CHD7: variants seen among roughly 807,000 people sequenced by gnomAD.
The protein encoded by CHD7 is ATP-dependent chromatin remodeler CHD7.
A neutral mutation model predicts 307.3 loss-of-function variants in CHD7; 24 were observed. That is an observed-to-expected ratio of 0.08 (90% CI 0.06 to 0.11). The LOEUF (loss-of-function observed/expected upper bound fraction) is 0.11, where lower values mean the gene tolerates loss of function less well. Among genes scored for constraint, CHD7 ranks in the 10% least tolerant of loss-of-function variants. CHD7 has a pLI of 1.00. For missense variants in CHD7, 3,106 were observed against 3,727.1 expected (o/e 0.83, Z 4.34); for synonymous variants, 1,363 against 1,349.9 (o/e 1.01, Z -0.21).
intron 7 of CHD7, among the ~76,000 whole-genome samples, chr8:60,810,057 T>C (rs1171942619): frequency 6.6e-6 from 1 of 152,268 alleles, no homozygotes; most frequent in African/African-American, 2.4e-5. Flanking sequence ...TATAACTCTT[T>C]ACTGTTGTAG....
intron 1 of CHD7, among the ~76,000 whole-genome samples, chr8:60,684,869 TG>T (rs1207141778): frequency 5.3e-5 from 8 of 152,186 alleles, no homozygotes; most frequent in Non-Finnish European, 1.2e-4. Flanking sequence ...TGCCTGCTTT[TG>T]TTGTGGTCTG....
At chr8:60,722,827 A>G (rs960199049) in intron 1 of CHD7, among the ~76,000 whole-genome samples, 5 of 152,244 alleles carry the variant, frequency 3.3e-5, no homozygotes, top group African/African-American at 9.6e-5. Context: ...TCATGTGGAC[A>G]TGTATTAAAA....
chr8:60,691,663 C>T (rs79768177), intron 1 of CHD7, among the ~76,000 whole-genome samples: 6,874 of 152,300 alleles, frequency 0.045, 544 homozygotes, highest in African/African-American at 0.16. Flanking sequence ...CTTACCCACT[C>T]CTCCCTTCCA....
At chr8:60,755,256 G>T (rs1488486644) in intron 2 of CHD7, among the ~76,000 whole-genome samples, 1 of 152,086 alleles carries the variant, frequency 6.6e-6, no homozygotes, top group Non-Finnish European at 1.5e-5. Flanking sequence ...TAAGAAGGCA[G>T]TTCACATTTT....
At chr8:60,687,278 A>T (rs1251194732) in intron 1 of CHD7, among the ~76,000 whole-genome samples, 1 of 147,862 alleles carries the variant, frequency 6.8e-6, no homozygotes, top group East Asian at 2.0e-4. Context: ...TGAATAATAA[A>T]ATCAGTTTGA....
At chr8:60,854,091 G>T (rs1450973285) in intron 31 of CHD7, among the ~76,000 whole-genome samples, 2 of 152,182 alleles carry the variant, frequency 1.3e-5, no homozygotes, top group African/African-American at 4.8e-5. Flanking sequence ...TTGGCTATCA[G>T]CCTCTTGTAA....
chr8:60,847,800 T>C (rs1199416737), intron 23 of CHD7, among the ~76,000 whole-genome samples: 3 of 152,220 alleles, frequency 2.0e-5, no homozygotes, highest in African/African-American at 7.2e-5. Flanking sequence ...TGATTAAGAA[T>C]GTCAGTGAAT....
chr8:60,726,188 T>C (rs1808149255), intron 1 of CHD7, among the ~76,000 whole-genome samples: 1 of 152,228 alleles, frequency 6.6e-6, no homozygotes, highest in South Asian at 2.1e-4. Flanking sequence ...TATCTGTGCT[T>C]CTTGAAATTT....
At chr8:60,755,167 C>G (rs756151728) in intron 2 of CHD7, among the ~76,000 whole-genome samples, 1 of 151,932 alleles carries the variant, frequency 6.6e-6, no homozygotes, top group Non-Finnish European at 1.5e-5. Flanking sequence ...AAAGTAACTT[C>G]ATAGGTTTTA....
intron 2 of CHD7, among the ~76,000 whole-genome samples, chr8:60,745,202 C>G (rs1586256290): frequency 1.3e-5 from 2 of 152,140 alleles, no homozygotes; most frequent in African/African-American, 4.8e-5. Flanking sequence ...TTATTATTTT[C>G]TTATTCCCTG....
Position 60,844,971 on chromosome 8 carries a change from A to G in CHD7, c.4958A>G (p.His1653Arg), listed in dbSNP as rs1263084217. 2 of 1,613,852 alleles carry G rather than the reference A, an allele frequency of 1.2e-6. No homozygotes were observed. The highest frequency in any genetic ancestry group is 2.7e-5 in the African/African-American group (2 of 74,906). The change falls in exon 22 of 38, where the codon CAT becomes CGT. Residue 1653 changes from histidine to arginine, a missense_variant. This residue lies in a region of CHD7 where 28 missense variants were observed against 64.7 expected (regional missense o/e 0.43). Transcript: ENST00000423902. ...CRTILVYCLN[H>R]YKGDENIKSF... ...ACCATCCTGGTGTACTGTCTTAATC[A>G]TTACAAAGGGGATGAGAATATCAAA... is the stretch of plus-strand genomic sequence containing the variant.
At chr8:60,758,972 G>C (rs757608020) in intron 2 of CHD7, among the ~76,000 whole-genome samples, 131 of 152,196 alleles carry the variant, frequency 8.6e-4, no homozygotes, top group Non-Finnish European at 3.5e-4. Context: ...GTATTTTTCT[G>C]TCACTGCCTT....
chr8:60,684,931 GA>G (rs1395586606), intron 1 of CHD7, among the ~76,000 whole-genome samples: 1 of 152,192 alleles, frequency 6.6e-6, no homozygotes, highest in Non-Finnish European at 1.5e-5. Flanking sequence ...TGGCCATGGG[GA>G]TGGAGAGAAA....
At chr8:60,800,709 T>G (rs935695167) in intron 5 of CHD7, among the ~76,000 whole-genome samples, 184 bp downstream of exon 5, 1 of 152,260 alleles carries the variant, frequency 6.6e-6, no homozygotes, top group Non-Finnish European at 1.5e-5. Context: ...CCCTGTTCAC[T>G]GCAATTTATT....
At chr8:60,723,338 A>G (rs755859616) in intron 1 of CHD7, among the ~76,000 whole-genome samples, 6 of 152,206 alleles carry the variant, frequency 3.9e-5, no homozygotes, top group South Asian at 4.2e-4. Context: ...AGTCTGTATA[A>G]CCGTAGTTTT....
chr8:60,832,960 G>A (rs1384727497), intron 15 of CHD7, among the ~76,000 whole-genome samples: 1 of 152,310 alleles, frequency 6.6e-6, no homozygotes, highest in South Asian at 2.1e-4. Context: ...AGGTGTCTTT[G>A]TCCCTAAATT....
intron 3 of CHD7, among the ~76,000 whole-genome samples, chr8:60,784,290 TC>T (rs1811391282): frequency 6.6e-6 from 1 of 152,230 alleles, no homozygotes; most frequent in Non-Finnish European, 1.5e-5. Context: ...GTTATTTCCA[TC>T]CTTGAATAAG....
intron 4 of CHD7, 123 bp from the exon 5 acceptor site, chr8:60,800,265 C>G: frequency 1.2e-6 from 1 of 835,234 alleles, no homozygotes. Flanking sequence ...ATCTCCTGAC[C>G]TTGTGATCCG....
chr8:60,841,686 G>T lies in CHD7; in HGVS notation c.4576G>T (p.Asp1526Tyr). 1 of 1,609,724 alleles carries T rather than the reference G, an allele frequency of 6.2e-7. No individual in the cohort carries two copies. ...TGGAAATAGGACAGATATTTCCTTG[G>T]ATGATCCAAATTTCTGGCAAAAGTG... ...ASGNRTDISL[D>Y]DPNFWQKWAK... Residue 1526 changes from aspartate (D) to tyrosine (Y), a missense_variant, in exon 20 of 38, where the codon GAT becomes TAT. Around this residue, in one of 10 missense-constraint regions of CHD7, gnomAD observed 93 missense variants for 176.4 expected, o/e 0.53. Coordinates refer to ENST00000423902, the MANE Select transcript of CHD7 (RefSeq NM_017780.4).
Sources: gnomAD v4.1 joint callset for allele counts (sites outside exome capture counted in the v4.1 genomes callset) on GRCh38, gnomAD v4.1.1 for gene constraint, gnomAD v4.1.1 regional missense constraint, MANE v1.5 for transcripts, NCBI Gene and HGNC (gene_info 2026-07-23, HGNC 2026-07-21) for gene names.